The following ROCK1 variants were observed in gnomAD, a reference collection of about 807,000 sequenced individuals.
ROCK1 encodes the protein rho-associated protein kinase 1.
A neutral mutation model predicts 196.8 loss-of-function variants in ROCK1; 36 were observed. That is an observed-to-expected ratio of 0.18 (90% CI 0.14 to 0.24). The LOEUF is 0.24. Among genes scored for constraint, ROCK1 ranks in the 10% least tolerant of loss-of-function variants. The pLI is 1.00. For synonymous variants in ROCK1, 443 were observed against 515.9 expected (o/e 0.86, Z 1.91); for missense variants, 920 against 1,562.0 (o/e 0.59, Z 6.93).
intron 2 of ROCK1, among the ~76,000 whole-genome samples, chr18:21,070,165 T>C (rs1260085352): frequency 1.3e-5 from 2 of 152,210 alleles, no homozygotes; most frequent in South Asian, 2.1e-4. Context: ...TTTTAAATGA[T>C]AAAATCCAAT....
chr18:20,983,606 G>A (rs756425612), intron 20 of ROCK1, among the ~76,000 whole-genome samples: 2 of 152,054 alleles, frequency 1.3e-5, no homozygotes, highest in Non-Finnish European at 2.9e-5. Flanking sequence ...CAAAAGGCAT[G>A]TGGCTGACAG....
intron 21 of ROCK1, among the ~76,000 whole-genome samples, chr18:20,982,386 C>T (rs982785375): frequency 6.6e-5 from 10 of 152,042 alleles, no homozygotes; most frequent in African/African-American, 2.4e-4. Context: ...TGAGTAGCTG[C>T]GACTACAGGT....
intron 1 of ROCK1, among the ~76,000 whole-genome samples, chr18:21,093,955 C>CA (rs67567031): frequency 7.1e-6 from 1 of 140,420 alleles, no homozygotes; most frequent in Non-Finnish European, 1.6e-5. Context: ...GACTCAATCT[C>CA]AAAAAAAAAA....
At chr18:21,000,443 A>G (rs1568379992) in intron 16 of ROCK1, among the ~76,000 whole-genome samples, 1 of 152,012 alleles carries the variant, frequency 6.6e-6, no homozygotes, top group Non-Finnish European at 1.5e-5. Context: ...GTGTATTTTT[A>G]GTAGAGACAT....
chr18:21,077,949 C>T (rs538340703), intron 1 of ROCK1, among the ~76,000 whole-genome samples: 2 of 152,290 alleles, frequency 1.3e-5, no homozygotes, highest in South Asian at 4.1e-4. Context: ...TAATCACTCA[C>T]AGTAAGGAAT....
At chr18:20,968,178 C>A (rs763542376) in intron 25 of ROCK1, among the ~76,000 whole-genome samples, 23 of 152,160 alleles carry the variant, frequency 1.5e-4, no homozygotes, top group Non-Finnish European at 2.8e-4. Context: ...AGTACTGAAT[C>A]AAGAGTATGC....
chr18:21,006,452 G>A lies in ROCK1; in HGVS notation c.1784C>T (p.Ser595Phe). 1 of 1,613,648 alleles carries A rather than the reference G, an allele frequency of 6.2e-7. No individual in the cohort carries two copies. Among genetic ancestry groups the A allele is most frequent in the Non-Finnish European group, 8.5e-7 (1 of 1,179,912 alleles). ...LQERNRILENSKSQTDKDYYQ... is the reference protein window; with the variant it reads ...LQERNRILENFKSQTDKDYYQ... ...ATAATCTTTGTCTGTTTGTGACTTA[G>A]AATTCTCTAAAATTCGATTTCTCTC... is the stretch of plus-strand genomic sequence containing the variant. Residue 595 changes from serine to phenylalanine, a missense_variant, in exon 16 of 33, where the codon TCT (serine) becomes TTT (phenylalanine). Around this residue, in one of 6 missense-constraint regions of ROCK1, gnomAD observed 520 missense variants for 657.1 expected, o/e 0.79. Transcript: ENST00000399799.
intron 29 of ROCK1, among the ~76,000 whole-genome samples, chr18:20,958,921 TTA>T (rs1361651412): frequency 0.027 from 2,610 of 96,484 alleles, 68 homozygotes; most frequent in Non-Finnish European, 0.037. Flanking sequence ...TTTATATATT[TTA>T]TATATATATT....
intron 8 of ROCK1, 109 bp from the exon 9 acceptor site, chr18:21,039,672 A>G: frequency 2.8e-6 from 2 of 707,800 alleles, no homozygotes; most frequent in South Asian, 1.7e-5. Context: ...CGACAAATAT[A>G]GTTCTAAGGT....
At chr18:21,096,173 A>G (rs976438822) in intron 1 of ROCK1, among the ~76,000 whole-genome samples, 11 of 152,172 alleles carry the variant, frequency 7.2e-5, no homozygotes, top group South Asian at 6.2e-4. Flanking sequence ...TTTAAAATAA[A>G]GCATTTTTAA....
chr18:21,104,462 T>A (rs1295924224), intron 1 of ROCK1, among the ~76,000 whole-genome samples: 1 of 152,000 alleles, frequency 6.6e-6, no homozygotes. Context: ...CCGGGTGCGG[T>A]GGCGGGCGCC....
intron 2 of ROCK1, among the ~76,000 whole-genome samples, chr18:21,060,817 C>T (rs1313208319): frequency 8.6e-6 from 1 of 116,372 alleles, no homozygotes; most frequent in East Asian, 2.5e-4. Flanking sequence ...CCAGCCTGGG[C>T]GAGAAGAGCG....
intron 19 of ROCK1, among the ~76,000 whole-genome samples, chr18:20,984,759 A>G (rs1280895529): frequency 6.6e-6 from 1 of 152,124 alleles, no homozygotes; most frequent in African/African-American, 2.4e-5. Flanking sequence ...GGAGGGAAAA[A>G]AATTCTGGTT....
rs1414738118 is a variant in ROCK1, at chr18:20,947,149, AAGG to A, written c.*4232_*4234del. 1 of 152,238 alleles carries A rather than the reference AAGG, an allele frequency of 6.6e-6. No individual in the cohort carries two copies. Among genetic ancestry groups the A allele is most frequent in the Non-Finnish European group, 1.5e-5 (1 of 68,040 alleles). 9.4% of individuals were successfully genotyped at this position (152,238 alleles called of 1,614,324 possible). On this transcript the variant is annotated 3_prime_UTR_variant, in exon 33 of 33. Transcript: ENST00000399799. ...CAATTCATTAACATTTGGCAAAAGA[AAGG>A]AGATATTTAATCTCTTTGTATGTTA...
intron 12 of ROCK1, 87 bp from the exon 13 acceptor site, chr18:21,015,566 T>A: frequency 2.4e-6 from 2 of 842,466 alleles, no homozygotes; most frequent in Non-Finnish European, 3.9e-6. Flanking sequence ...CTTTTCCACT[T>A]AACTAGAGTT....
chr18:20,972,473 C>T (rs927289058), intron 22 of ROCK1, among the ~76,000 whole-genome samples: 2 of 152,114 alleles, frequency 1.3e-5, no homozygotes, highest in Admixed American at 6.6e-5. Flanking sequence ...CCATTTAAAG[C>T]CACAAGGCTG....
chr18:21,015,232 A>C (rs1398371111), intron 13 of ROCK1, among the ~76,000 whole-genome samples, 199 bp downstream of exon 13: 1 of 152,136 alleles, frequency 6.6e-6, no homozygotes, highest in Non-Finnish European at 1.5e-5. Context: ...TGTAGAAAAC[A>C]ATTGTACAAA....
At position 21,028,957 on chromosome 18, in the gene ROCK1, T is replaced by C. The variant is rs753711747; in HGVS notation, c.1052-22A>G. ...ACAGCTAAAGACAAAACAAAATTAG[T>C]TGTTCACTTCAAACTTAAAATACAA... On this transcript the variant is annotated intron_variant, in intron 9 of 32. Coordinates refer to ENST00000399799, the MANE Select transcript of ROCK1 (RefSeq NM_005406.3). The C allele has an allele frequency of 4.1e-5, 66 of 1,598,892 alleles. No individual in the cohort carries two copies. The Middle Eastern group carries it at 5.0e-4, about 12-fold the overall frequency.
intron 11 of ROCK1, among the ~76,000 whole-genome samples, chr18:21,023,147 AAAGG>A (rs1487189904): frequency 3.3e-5 from 5 of 152,124 alleles, no homozygotes; most frequent in Non-Finnish European, 5.9e-5. Flanking sequence ...GGGATGATGA[AAAGG>A]TTCTAGAGAT....
Sources: allele counts gnomAD v4.1 joint callset (sites outside exome capture counted in the v4.1 genomes callset), GRCh38; gene constraint gnomAD v4.1.1; regional missense constraint gnomAD v4.1.1; transcripts MANE v1.5; gene names NCBI Gene and HGNC (gene_info 2026-07-23, HGNC 2026-07-21).